CD2AP: variants seen among roughly 807,000 people sequenced by gnomAD.
CD2AP encodes CD2 associated protein, also known as CD2-associated protein.
Under a neutral mutation model 85.1 loss-of-function variants are expected in CD2AP, and 46 were observed. The observed-to-expected ratio is 0.54, with a 90% CI of 0.43 to 0.69. The LOEUF is 0.69. Among genes scored for constraint, CD2AP ranks in the 30% least tolerant of loss-of-function variants. The pLI is 0.00. For synonymous variants in CD2AP, 255 were observed against 252.9 expected (o/e 1.01, Z -0.08); for missense variants, 769 against 729.5 (o/e 1.05, Z -0.62).
intron 11 of CD2AP, among the ~76,000 whole-genome samples, chr6:47,585,302 CAA>C (rs113598973): frequency 4.0e-5 from 5 of 126,026 alleles, no homozygotes; most frequent in East Asian, 2.3e-4. Context: ...GACTCCGTCT[CAA>C]AAAAAAAAAA....
intron 5 of CD2AP, among the ~76,000 whole-genome samples, chr6:47,563,251 T>C (rs1343013545): frequency 6.6e-6 from 1 of 152,200 alleles, no homozygotes; most frequent in East Asian, 1.9e-4. Flanking sequence ...AAATGTGAAG[T>C]AAGTATGCTA....
At chr6:47,558,512 G>A (rs1341075899) in intron 5 of CD2AP, among the ~76,000 whole-genome samples, 1 of 152,136 alleles carries the variant, frequency 6.6e-6, no homozygotes, top group Non-Finnish European at 1.5e-5. Flanking sequence ...TACCTAGTTT[G>A]TTGAGTTTTT....
At chr6:47,576,471 G>A in intron 6 of CD2AP, 53 bp from the exon 7 acceptor site, 2 of 1,173,594 alleles carry the variant, frequency 1.7e-6, no homozygotes, top group Non-Finnish European at 1.3e-6. Flanking sequence ...TTGTTTAACA[G>A]TATTATCTTT....
intron 11 of CD2AP, among the ~76,000 whole-genome samples, chr6:47,585,726 G>T (rs1475780421): frequency 6.7e-6 from 1 of 148,808 alleles, no homozygotes; most frequent in Non-Finnish European, 1.5e-5. Context: ...ATCTACACAT[G>T]CATGAAAAGA....
chr6:47,596,533 C>A (rs1768953436), intron 12 of CD2AP, among the ~76,000 whole-genome samples: 1 of 152,074 alleles, frequency 6.6e-6, no homozygotes, highest in African/African-American at 2.4e-5. Flanking sequence ...TCTTTCTGTG[C>A]CTGGCTTATT....
intron 1 of CD2AP, among the ~76,000 whole-genome samples, chr6:47,478,834 C>T (rs1301455197): frequency 6.6e-6 from 1 of 152,078 alleles, no homozygotes; most frequent in Non-Finnish European, 1.5e-5. Flanking sequence ...CCTAAGCATT[C>T]AGTGTGCTCC....
intron 9 of CD2AP, among the ~76,000 whole-genome samples, chr6:47,580,383 T>TAA (rs1292192730): frequency 6.6e-6 from 1 of 152,128 alleles, no homozygotes; most frequent in African/African-American, 2.4e-5. Context: ...CTTTAACTGT[T>TAA]CCTTTGAGAG....
chr6:47,579,738 A>G, intron 9 of CD2AP: 2 of 411,636 alleles, frequency 4.9e-6, no homozygotes, highest in Non-Finnish European at 8.7e-6. Flanking sequence ...TTATAATTTA[A>G]GAAGGGCTGT....
chr6:47,546,979 A>C (rs924995338), intron 4 of CD2AP, among the ~76,000 whole-genome samples: 5 of 152,212 alleles, frequency 3.3e-5, no homozygotes, highest in Non-Finnish European at 7.4e-5. Flanking sequence ...AAATGCTGAG[A>C]GAATTCACTA....
chr6:47,494,329 A>G (rs1277778033), intron 1 of CD2AP, among the ~76,000 whole-genome samples: 2 of 152,124 alleles, frequency 1.3e-5, no homozygotes, highest in Admixed American at 6.5e-5. Flanking sequence ...TCTTTCTCAG[A>G]TAGAATCTGT....
At chr6:47,479,808 ATTAT>A (rs1174558030) in intron 1 of CD2AP, among the ~76,000 whole-genome samples, 1 of 151,988 alleles carries the variant, frequency 6.6e-6, no homozygotes, top group African/African-American at 2.4e-5. Context: ...GCATTTTGAA[ATTAT>A]TTAAATACTT....
intron 4 of CD2AP, among the ~76,000 whole-genome samples, chr6:47,549,683 C>T (rs1307425328): frequency 1.3e-5 from 2 of 152,008 alleles, no homozygotes; most frequent in Non-Finnish European, 2.9e-5. Context: ...ATACCACCAT[C>T]ATTCTTCACA....
intron 5 of CD2AP, among the ~76,000 whole-genome samples, chr6:47,568,109 G>T (rs1768053154): frequency 1.3e-5 from 2 of 152,178 alleles, no homozygotes; most frequent in Admixed American, 6.5e-5. Flanking sequence ...CGAAAAAGAG[G>T]AGCCAACTGC....
At chr6:47,553,510 T>A (rs1204016484) in intron 4 of CD2AP, among the ~76,000 whole-genome samples, 1 of 126,654 alleles carries the variant, frequency 7.9e-6, no homozygotes, top group East Asian at 2.1e-4. Flanking sequence ...CCACACCTAG[T>A]GAATTTTTTT....
chr6:47,590,775 CTG>C (rs1249463650), intron 11 of CD2AP, among the ~76,000 whole-genome samples: 1 of 151,994 alleles, frequency 6.6e-6, no homozygotes, highest in East Asian at 1.9e-4. Context: ...GGAGCAGAAA[CTG>C]TATTTGAAGA....
chr6:47,510,504 C>A (rs1766283392), intron 2 of CD2AP, among the ~76,000 whole-genome samples: 1 of 151,958 alleles, frequency 6.6e-6, no homozygotes, highest in African/African-American at 2.4e-5. Context: ...AAAGGTGGGC[C>A]TGTGTCAAAG....
chr6:47,606,778 G>A (rs773986777), intron 14 of CD2AP, among the ~76,000 whole-genome samples: 1 of 151,706 alleles, frequency 6.6e-6, no homozygotes, highest in Non-Finnish European at 1.5e-5. Context: ...GGGTAAATGC[G>A]GTATCCATCA....
intron 9 of CD2AP, among the ~76,000 whole-genome samples, chr6:47,580,571 G>C (rs1342666498): frequency 1.3e-5 from 2 of 152,144 alleles, no homozygotes; most frequent in Admixed American, 1.3e-4. Context: ...ACCTAGGGGA[G>C]GCAGAGCAGA....
chr6:47,601,278 A>G (rs1769123758), intron 13 of CD2AP, among the ~76,000 whole-genome samples: 1 of 151,924 alleles, frequency 6.6e-6, no homozygotes, highest in South Asian at 2.1e-4. Flanking sequence ...ACAGGGTGTG[A>G]AAACATCTTA....
Sources: gnomAD v4.1 joint callset for allele counts (sites outside exome capture counted in the v4.1 genomes callset) on GRCh38, gnomAD v4.1.1 for gene constraint, MANE v1.5 for transcripts, NCBI Gene and HGNC (gene_info 2026-07-23, HGNC 2026-07-21) for gene names.